The following ZNF347 variants were observed in gnomAD, a reference collection of about 807,000 sequenced individuals.
ZNF347 encodes CTD-2620I22.7.
ZNF347 carries 19 observed loss-of-function variants against 12.9 expected under a neutral mutation model. That is an observed-to-expected ratio of 1.47 (90% CI 1.03 to 2.16). ZNF347 has a LOEUF of 2.16. ZNF347 is among the 30% of genes most tolerant of loss of function. ZNF347 has a pLI of 0.00. For missense variants in ZNF347, 1,005 were observed against 990.6 expected, an observed-to-expected ratio of 1.01 and a Z score of -0.19; for synonymous variants, 328 against 340.6, an observed-to-expected ratio of 0.96 and a Z score of 0.41.
chr19:53,144,309 T>C lies in ZNF347; in HGVS notation c.272-1753A>G, dbSNP rs7251273. Reference sequence around the variant, plus strand: ...AAAAGATATTTCATGGAACTAGAAATCAAAAAAGAGCAGTAGTAGGTATAC... The same window carrying C: ...AAAAGATATTTCATGGAACTAGAAACCAAAAAAGAGCAGTAGTAGGTATAC... On this transcript the variant is annotated intron_variant, in intron 4 of 4. Transcript: ENST00000334197. Among the ~76,000 whole-genome samples, 854 of 151,922 alleles carry C rather than the reference T, an allele frequency of 5.6e-3. 11 individuals carry two copies. The highest frequency in any genetic ancestry group is 0.02 in the African/African-American group (809 of 41,478).
chr19:53,136,907 TGA>T lies in ZNF347; in HGVS notation c.*3399_*3400del, dbSNP rs1440958094. ...AAGTTAGAAATTTCTTTTGTTTTTT[TGA>T]GAGTCTCACTCTATTGCCCAGGCTG... is the stretch of plus-strand genomic sequence containing the variant. On this transcript the variant is annotated 3_prime_UTR_variant, in exon 5 of 5. Coordinates refer to ENST00000334197, the MANE Select transcript of ZNF347 (RefSeq NM_032584.3). 3 of 152,296 alleles carry T rather than the reference TGA, an allele frequency of 2.0e-5. No individual in the cohort carries two copies. Among genetic ancestry groups the T allele is most frequent in the East Asian group, 3.9e-4 (2 of 5,178 alleles). The allele number at this position is 152,296 out of a possible 1,614,324, so 9.4% of individuals were successfully genotyped here.
chr19:53,158,195 C>T (rs1272874078), intron 1 of ZNF347, among the ~76,000 whole-genome samples: 1 of 152,152 alleles, frequency 6.6e-6, no homozygotes, highest in Non-Finnish European at 1.5e-5. Context: ...CTCCCCAGCG[C>T]GGGCTCAGGA....
In ZNF347 at chr19:53,140,941, C is replaced by G; in HGVS notation, c.1887G>C (p.Glu629Asp). The change falls in exon 5 of 5, where the codon GAG (glutamate) becomes GAC (aspartate). Residue 629 changes from glutamate to aspartate, a missense_variant. By Grantham distance (45) the Glu-to-Asp change is conservative. Transcript: ENST00000334197. ...AATGTTCACTAAAGGCTTTGCCATA[C>G]TCATTATACTTGTAAGGTTTCTCTC... ...HTGEKPYKYN[E>D]YGKAFSEHSN... is the part of the protein sequence containing the mutation. The G allele has an allele frequency of 6.2e-7, 1 of 1,613,454 alleles. No homozygotes were observed. The highest frequency in any genetic ancestry group is 8.5e-7 in the Non-Finnish European group (1 of 1,179,892).
In ZNF347 at chr19:53,141,745, T is replaced by C; in HGVS notation, c.1083A>G (p.Val361=). Residue 361 remains valine, a synonymous_variant, in exon 5 of 5, where the codon GTA becomes GTG. Coordinates refer to ENST00000334197, the MANE Select transcript of ZNF347 (RefSeq NM_032584.3). ...CTCCAGTATGAATTCCTCGATGTCT[T>C]ACAAGGTGTGAATTCTGAGTGAAGA... is the stretch of plus-strand genomic sequence containing the variant. ...GKVFTQNSHL[V]RHRGIHTGEK... is the part of the protein sequence containing the mutation. The C allele has an allele frequency of 6.2e-7, 1 of 1,613,910 alleles. No homozygotes were observed. Among genetic ancestry groups the C allele is most frequent in the African/African-American group, 1.3e-5 (1 of 75,044 alleles).
rs66614865 is a variant in ZNF347 at position 53,135,299 on chromosome 19, AAT to A, written c.*5007_*5008del. The A allele has an allele frequency of 0.015, 1,092 of 72,496 alleles. 6 individuals are homozygous for A. Among genetic ancestry groups the A allele is most frequent in the East Asian group, 0.02 (56 of 2,810 alleles). 4.5% of individuals were successfully genotyped at this position (72,496 alleles called of 1,614,324 possible). A position where few individuals can be genotyped will look rare whatever the true frequency, so the allele number is the denominator to read the frequency against. ...TCTTCATAGTTCTACCCATTTTCTAAATATATATATATATATATATATATATA... is the reference window on the plus strand; with the variant it reads ...TCTTCATAGTTCTACCCATTTTCTAAATATATATATATATATATATATATA... On this transcript the variant is annotated 3_prime_UTR_variant, in exon 5 of 5. Coordinates refer to ENST00000334197, the MANE Select transcript of ZNF347 (RefSeq NM_032584.3).
chr19:53,137,756 A>G lies in ZNF347; in HGVS notation c.*2552T>C, dbSNP rs543640854. ...ATTAGTCTTGTCAAATTATGTGAGC[A>G]TAGCATTCTTAGTGTTATTTTTGTT... is the stretch of plus-strand genomic sequence containing the variant. On this transcript the variant is annotated 3_prime_UTR_variant, in exon 5 of 5. Transcript: ENST00000334197. 3 of 152,182 alleles carry G rather than the reference A, an allele frequency of 2.0e-5. No homozygotes were observed. The highest frequency in any genetic ancestry group is 4.4e-5 in the Non-Finnish European group (3 of 68,038). 9.4% of individuals were successfully genotyped at this position (152,182 alleles called of 1,614,324 possible). A position where few individuals can be genotyped will look rare whatever the true frequency, so the allele number is the denominator to read the frequency against.
In ZNF347 at chr19:53,141,353, T is replaced by C. The variant is rs2090424859; in HGVS notation, c.1475A>G (p.Lys492Arg). Residue 492 changes from lysine to arginine, a missense_variant, in exon 5 of 5, where the codon AAA becomes AGA. Coordinates refer to ENST00000334197, the MANE Select transcript of ZNF347 (RefSeq NM_032584.3). ...TAGGTTTGAATGTGCTCTAAAGGCT[T>C]TGCCACACTCATTACACTTATAAGG... ...EKPYKCNECGKAFRAHSNLTT... is the reference protein window; with the variant it reads ...EKPYKCNECGRAFRAHSNLTT... 6.2e-7 allele frequency: 1 copy of C among 1,613,964 alleles called. No individual in the cohort carries two copies.
intron 1 of ZNF347, among the ~76,000 whole-genome samples, chr19:53,155,428 G>A (rs533172073): frequency 1.3e-5 from 2 of 152,022 alleles, no homozygotes; most frequent in Admixed American, 1.3e-4. Flanking sequence ...AAGCTCTCGT[G>A]TTCAAGCGAT....
chr19:53,137,567 T>C lies in ZNF347; in HGVS notation c.*2741A>G, dbSNP rs1356475933. The C allele has an allele frequency of 6.6e-6, 1 of 152,156 alleles. No individual in the cohort carries two copies. Among genetic ancestry groups the C allele is most frequent in the African/African-American group, 2.4e-5 (1 of 41,434 alleles). The allele number at this position is 152,156 out of a possible 1,614,324, so 9.4% of individuals were successfully genotyped here. ...CATTGTTCAGCATCCTCATTTTCCA[T>C]ATCTAAACCAAACTGTAAATGGAGT... On this transcript the variant is annotated 3_prime_UTR_variant, in exon 5 of 5. Coordinates refer to ENST00000334197, the MANE Select transcript of ZNF347 (RefSeq NM_032584.3).
intron 2 of ZNF347, 145 bp from the exon 3 acceptor site, chr19:53,149,512 C>A: frequency 7.0e-7 from 1 of 1,425,444 alleles, no homozygotes; most frequent in Non-Finnish European, 9.3e-7. Flanking sequence ...GGTCTTCATC[C>A]CCCTTTCCTG....
At chr19:53,147,743 A>T (rs1186438512) in intron 4 of ZNF347, among the ~76,000 whole-genome samples, 3 of 152,080 alleles carry the variant, frequency 2.0e-5, no homozygotes, top group Non-Finnish European at 4.4e-5. Context: ...ATAGGCCACT[A>T]CCCCTGATGA....
chr19:53,156,308 C>T (rs1365834946), intron 1 of ZNF347, among the ~76,000 whole-genome samples: 4 of 151,780 alleles, frequency 2.6e-5, no homozygotes, highest in East Asian at 1.9e-4. Flanking sequence ...CTGAGGCAGG[C>T]AGGAGAATCG....
intron 1 of ZNF347, among the ~76,000 whole-genome samples, chr19:53,155,025 C>T (rs1332481632): frequency 1.3e-5 from 2 of 151,816 alleles, no homozygotes; most frequent in Non-Finnish European, 1.5e-5. Context: ...GTAACCTCCG[C>T]CTCCCAGGTT....
intron 2 of ZNF347, among the ~76,000 whole-genome samples, chr19:53,152,835 CAGG>C (rs1050520899): frequency 6.6e-6 from 1 of 151,904 alleles, no homozygotes; most frequent in Non-Finnish European, 1.5e-5. Context: ...GAGGCTGAGG[CAGG>C]AGAATGGCGT....
intron 4 of ZNF347, among the ~76,000 whole-genome samples, chr19:53,143,094 T>C (rs2090440244): frequency 6.6e-6 from 1 of 152,130 alleles, no homozygotes. Context: ...AATTGCGACA[T>C]AAAAAATTCA....
In ZNF347 at chr19:53,142,085, A is replaced by G; in HGVS notation, c.743T>C (p.Leu248Pro). 1 of 1,612,842 alleles carries G rather than the reference A, an allele frequency of 6.2e-7. No individual in the cohort carries two copies. Among genetic ancestry groups the G allele is most frequent in the African/African-American group, 1.3e-5 (1 of 74,940 alleles). ...YLKDFISSLL[L>P]TQGQKANNWG... ...ATTATTTGCTTTTTGCCCCTGTGTG[A>G]GTAATAAAGAAGAGATAAAATCTTT... The change falls in exon 5 of 5, where the codon CTC becomes CCC. Residue 248 changes from leucine to proline, a missense_variant. Leu to Pro is a moderately conservative substitution (Grantham distance 98, BLOSUM62 -3). Transcript: ENST00000334197.
In ZNF347 at chr19:53,140,408, G is replaced by A. The variant is rs2090413379; in HGVS notation, c.2420C>T (p.Thr807Ile). The A allele has an allele frequency of 1.2e-6, 2 of 1,613,784 alleles. 1 individual carries two copies. Among genetic ancestry groups the A allele is most frequent in the Non-Finnish European group, 1.7e-6 (2 of 1,179,822 alleles). Residue 807 changes from threonine to isoleucine, a missense_variant, in exon 5 of 5, where the codon ACC becomes ATC. Transcript: ENST00000334197. ...KPFSICSSLT[T>I]HQTIHTGGKP... ...CCCACCAGTATGGATTGTCTGATGG[G>A]TAGTTAGGCTTGAACAGATACTAAA...
intron 1 of ZNF347, among the ~76,000 whole-genome samples, chr19:53,157,826 C>G (rs1330649583): frequency 6.6e-6 from 1 of 152,182 alleles, no homozygotes; most frequent in East Asian, 1.9e-4. Flanking sequence ...TGAGGAGCCT[C>G]CCACTTTCTG....
intron 2 of ZNF347, 115 bp from the exon 3 acceptor site, chr19:53,149,482 AT>A: frequency 1.9e-6 from 3 of 1,541,868 alleles, no homozygotes; most frequent in Non-Finnish European, 2.6e-6. Flanking sequence ...CCAAGTTGTG[AT>A]ATAATAAAAT....
Sources: allele counts gnomAD v4.1 joint callset (sites outside exome capture counted in the v4.1 genomes callset), GRCh38; gene constraint gnomAD v4.1.1; transcripts MANE v1.5; gene names NCBI Gene and HGNC (gene_info 2026-07-23, HGNC 2026-07-21).